CNTNAP2: variants seen among roughly 807,000 people sequenced by gnomAD.
CNTNAP2 encodes the protein contactin-associated protein-like 2.
A neutral mutation model predicts 155.2 loss-of-function variants in CNTNAP2; 98 were observed. That is an observed-to-expected ratio of 0.63 (90% CI 0.54 to 0.75). CNTNAP2 has a LOEUF of 0.75. Ranked by LOEUF, CNTNAP2 falls within the 30% of genes least tolerant of loss-of-function variation. The pLI, the probability that CNTNAP2 is intolerant of heterozygous loss-of-function variation, is 0.00. For synonymous variants in CNTNAP2, 651 were observed against 631.2 expected (o/e 1.03, Z -0.47); for missense variants, 1,727 against 1,688.1 (o/e 1.02, Z -0.40).
At chr7:146,628,850 T>C (rs1260945652) in intron 1 of CNTNAP2, among the ~76,000 whole-genome samples, 3 of 152,078 alleles carry the variant, frequency 2.0e-5, no homozygotes, top group Non-Finnish European at 2.9e-5. Context: ...TCCTGAACCA[T>C]ATTTTGCCCA....
chr7:146,211,263 G>A (rs886307092), intron 1 of CNTNAP2, among the ~76,000 whole-genome samples: 1 of 152,128 alleles, frequency 6.6e-6, no homozygotes, highest in Non-Finnish European at 1.5e-5. Flanking sequence ...AAAAAATATA[G>A]TTTTAAGTTA....
rs1016722465 is a variant in CNTNAP2 at position 146,385,134 on chromosome 7, A to G, written c.97+268161A>G. ...CTGCACCCTTCCATTGTATGAAATC[A>G]CCATATTCCATTTTTTTTTCTACCA... On this transcript the variant is annotated intron_variant, in intron 1 of 23. Transcript: ENST00000361727. Among the ~76,000 whole-genome samples, 5 of 152,134 alleles carry G rather than the reference A, an allele frequency of 3.3e-5. No individual in the cohort carries two copies. In the South Asian group the frequency reaches 6.2e-4, roughly 19 times the overall value.
At chr7:148,149,893 G>A (rs538287062) in intron 17 of CNTNAP2, among the ~76,000 whole-genome samples, 9 of 152,020 alleles carry the variant, frequency 5.9e-5, no homozygotes, top group East Asian at 1.9e-4. Context: ...ATTGATGACC[G>A]CAGAAACAGA....
chr7:147,256,889 G>GA (rs547821135), intron 8 of CNTNAP2, among the ~76,000 whole-genome samples: 81 of 146,132 alleles, frequency 5.5e-4, no homozygotes, highest in South Asian at 5.0e-3. Flanking sequence ...AAGGCTCCAG[G>GA]AAAAAAAAAA....
At chr7:147,908,413 G>A (rs1039202150) in intron 14 of CNTNAP2, among the ~76,000 whole-genome samples, 10 of 152,182 alleles carry the variant, frequency 6.6e-5, no homozygotes, top group African/African-American at 2.4e-4. Context: ...TTGTCAGTAG[G>A]GGAAAATCAG....
chr7:146,550,689 A>G (rs1264705852), intron 1 of CNTNAP2, among the ~76,000 whole-genome samples: 1 of 152,062 alleles, frequency 6.6e-6, no homozygotes, highest in Non-Finnish European at 1.5e-5. Context: ...GACGTTTTAT[A>G]TACTAGACCA....
At position 147,078,146 on chromosome 7, in the gene CNTNAP2, G is replaced by A. The variant is rs959446645; in HGVS notation, c.551-30001G>A. 1.7e-4 allele frequency among the ~76,000 whole-genome samples: 26 copies of A among 152,118 alleles called. 1 individual carries two copies. The highest frequency in any genetic ancestry group is 2.9e-4 in the African/African-American group (12 of 41,416). On this transcript the variant is annotated intron_variant, in intron 4 of 23. Coordinates refer to ENST00000361727, the MANE Select transcript of CNTNAP2 (RefSeq NM_014141.6). ...TTTTCATCAGCACAAAGAGAGGATCGCAATACATATAAGACTTTATCTCTG... is the reference window on the plus strand; with the variant it reads ...TTTTCATCAGCACAAAGAGAGGATCACAATACATATAAGACTTTATCTCTG...
intron 1 of CNTNAP2, among the ~76,000 whole-genome samples, chr7:146,557,902 A>G (rs1798220281): frequency 6.6e-6 from 1 of 152,234 alleles, no homozygotes; most frequent in Non-Finnish European, 1.5e-5. Context: ...CTATCATCTC[A>G]TGTTAAAATG....
At chr7:146,972,246 TTAA>T (rs1285345213) in intron 3 of CNTNAP2, among the ~76,000 whole-genome samples, 1 of 152,214 alleles carries the variant, frequency 6.6e-6, no homozygotes, top group Non-Finnish European at 1.5e-5. Flanking sequence ...CTAACCTTTA[TTAA>T]TGTATATTCT....
intron 13 of CNTNAP2, among the ~76,000 whole-genome samples, chr7:147,874,205 T>C (rs1156731265): frequency 1.2e-4 from 19 of 152,230 alleles, no homozygotes; most frequent in Admixed American, 1.2e-3. Flanking sequence ...AGCTCCACTA[T>C]GCAGTGCCCC....
intron 8 of CNTNAP2, among the ~76,000 whole-genome samples, chr7:147,257,134 T>C (rs1804349905): frequency 6.6e-6 from 1 of 152,198 alleles, no homozygotes; most frequent in South Asian, 2.1e-4. Flanking sequence ...TGGTGGCTTT[T>C]GAGAATTCAG....
intron 20 of CNTNAP2, among the ~76,000 whole-genome samples, chr7:148,254,513 A>G (rs1185166818): frequency 1.3e-5 from 2 of 152,168 alleles, no homozygotes; most frequent in African/African-American, 4.8e-5. Flanking sequence ...ACGTTGGCTC[A>G]TACCTATAAT....
intron 14 of CNTNAP2, among the ~76,000 whole-genome samples, chr7:147,959,735 G>A (rs953057426): frequency 9.2e-5 from 14 of 152,120 alleles, no homozygotes; most frequent in Non-Finnish European, 1.9e-4. Flanking sequence ...CATGGCGATG[G>A]TAAACTGACA....
At chr7:147,531,440 A>G (rs987635249) in intron 11 of CNTNAP2, among the ~76,000 whole-genome samples, 2 of 152,242 alleles carry the variant, frequency 1.3e-5, no homozygotes, top group Admixed American at 6.5e-5. Context: ...CCAAACCTCA[A>G]TTCCTGACTT....
chr7:147,138,206 G>C (rs1801527146), intron 8 of CNTNAP2, among the ~76,000 whole-genome samples: 1 of 151,714 alleles, frequency 6.6e-6, no homozygotes, highest in Non-Finnish European at 1.5e-5. Flanking sequence ...GGCGAAAATG[G>C]AGCCTAAGAA....
intron 9 of CNTNAP2, among the ~76,000 whole-genome samples, chr7:147,317,591 C>T (rs1795254579): frequency 6.6e-6 from 1 of 152,182 alleles, no homozygotes; most frequent in African/African-American, 2.4e-5. Context: ...TTTCTCAAAT[C>T]TCACTTTAAT....
intron 3 of CNTNAP2, among the ~76,000 whole-genome samples, chr7:146,998,494 T>C (rs1309839015): frequency 3.3e-5 from 5 of 152,012 alleles, no homozygotes; most frequent in Non-Finnish European, 2.9e-5. Flanking sequence ...GAAGGAGGTG[T>C]ATTCTGCAGC....
chr7:147,125,002 T>A (rs1465220381), intron 6 of CNTNAP2, among the ~76,000 whole-genome samples: 1 of 148,084 alleles, frequency 6.8e-6, no homozygotes, highest in Non-Finnish European at 1.5e-5. Context: ...TGGCTCAGCC[T>A]CCTGAGTAGC....
At chr7:147,262,628 C>A (rs1272821593) in intron 8 of CNTNAP2, among the ~76,000 whole-genome samples, 1 of 152,118 alleles carries the variant, frequency 6.6e-6, no homozygotes. Flanking sequence ...CACGGTGAAA[C>A]CCCGTCTCCA....
Sources: allele counts gnomAD v4.1 joint callset (sites outside exome capture counted in the v4.1 genomes callset), GRCh38; gene constraint gnomAD v4.1.1; transcripts MANE v1.5; gene names NCBI Gene and HGNC (gene_info 2026-07-23, HGNC 2026-07-21).